The following NFIB variants were observed in gnomAD, a reference collection of about 807,000 sequenced individuals.
NFIB encodes nuclear factor I B, also known as nuclear factor 1 B-type.
A neutral mutation model predicts 61.5 loss-of-function variants in NFIB; 11 were observed. That is an observed-to-expected ratio of 0.18 (90% CI 0.11 to 0.30). NFIB has a LOEUF of 0.30. Among genes scored for constraint, NFIB ranks in the 10% least tolerant of loss-of-function variants. NFIB has a pLI of 1.00. For synonymous variants in NFIB, 260 were observed against 216.5 expected (o/e 1.20, Z -1.76); for missense variants, 471 against 608.9 (o/e 0.77, Z 2.38).
At chr9:14,391,608 A>G (rs1160964440) in intron 1 of NFIB, among the ~76,000 whole-genome samples, 1 of 152,116 alleles carries the variant, frequency 6.6e-6, no homozygotes, top group Non-Finnish European at 1.5e-5. Context: ...GTAAGGGAAA[A>G]ATGCCTCGAG....
chr9:14,168,188 T>A (rs1364378651), intron 3 of NFIB, among the ~76,000 whole-genome samples: 1 of 152,240 alleles, frequency 6.6e-6, no homozygotes, highest in Non-Finnish European at 1.5e-5. Flanking sequence ...AAGAACAGGT[T>A]ATTTATTTAG....
chr9:14,223,848 T>C (rs2052018659), intron 2 of NFIB, among the ~76,000 whole-genome samples: 1 of 152,132 alleles, frequency 6.6e-6, no homozygotes, highest in Admixed American at 6.5e-5. Flanking sequence ...CCACCTGGTC[T>C]CCTCAAGGGC....
intron 1 of NFIB, among the ~76,000 whole-genome samples, chr9:14,347,168 T>C (rs910894692): frequency 1.8e-4 from 26 of 147,992 alleles, no homozygotes; most frequent in Admixed American, 1.1e-3. Flanking sequence ...AAAAAAAAAA[T>C]CTTAAAAAAG....
At chr9:14,294,843 A>G (rs1469880144) in intron 2 of NFIB, among the ~76,000 whole-genome samples, 1 of 152,174 alleles carries the variant, frequency 6.6e-6, no homozygotes, top group Non-Finnish European at 1.5e-5. Flanking sequence ...TTTTCCTAGT[A>G]GGGATTGTGG....
intron 1 of NFIB, among the ~76,000 whole-genome samples, chr9:14,324,333 T>C (rs59501750): frequency 0.083 from 12,684 of 152,168 alleles, 1,379 homozygotes; most frequent in African/African-American, 0.25. Flanking sequence ...AAAAAATTTA[T>C]TTAGAGTGAG....
chr9:14,202,128 T>TCACACACACACACACA (rs3080833), intron 2 of NFIB, among the ~76,000 whole-genome samples: 4 of 147,078 alleles, frequency 2.7e-5, no homozygotes, highest in African/African-American at 1.0e-4. Context: ...TTGATACTTT[T>TCACACACACACACACA]CACACACACA....
intron 1 of NFIB, among the ~76,000 whole-genome samples, chr9:14,393,284 T>A (rs1354310361): frequency 6.6e-6 from 1 of 152,182 alleles, no homozygotes; most frequent in Non-Finnish European, 1.5e-5. Context: ...ACATTGGCTA[T>A]GGCCTAAAAA....
At chr9:14,281,016 G>A (rs2058338351) in intron 2 of NFIB, among the ~76,000 whole-genome samples, 2 of 152,016 alleles carry the variant, frequency 1.3e-5, no homozygotes, top group South Asian at 2.1e-4. Flanking sequence ...CAATATGTAC[G>A]GTGAGCCAAA....
intron 10 of NFIB, among the ~76,000 whole-genome samples, chr9:14,097,452 C>A (rs2034975222): frequency 6.6e-6 from 1 of 152,148 alleles, no homozygotes; most frequent in Admixed American, 6.5e-5. Context: ...AGCTGTTGTA[C>A]TGTAGTTATG....
At chr9:14,387,842 A>G (rs1298734539) in intron 1 of NFIB, among the ~76,000 whole-genome samples, 1 of 152,196 alleles carries the variant, frequency 6.6e-6, no homozygotes, top group Non-Finnish European at 1.5e-5. Context: ...CCATTATGAC[A>G]CACATAGAGA....
intron 1 of NFIB, among the ~76,000 whole-genome samples, chr9:14,352,413 G>A (rs1287096560): frequency 6.6e-6 from 1 of 152,008 alleles, no homozygotes; most frequent in African/African-American, 2.4e-5. Flanking sequence ...TAAGATGAAC[G>A]TGGAAATAAA....
At chr9:14,181,382 C>A (rs185745656) in intron 2 of NFIB, among the ~76,000 whole-genome samples, 23 of 152,256 alleles carry the variant, frequency 1.5e-4, no homozygotes, top group African/African-American at 5.5e-4. Flanking sequence ...CTTCATCTGG[C>A]TCGAGTCTCC....
At chr9:14,504,272 A>G in the NFIB span, among the ~76,000 whole-genome samples, 2 of 151,948 alleles carry the variant, frequency 1.3e-5, no homozygotes, top group African/African-American at 4.8e-5. Flanking sequence ...ATACCTCCAG[A>G]CTTGTTCCTT....
chr9:14,469,624 CT>C, the NFIB span, among the ~76,000 whole-genome samples: 2 of 152,314 alleles, frequency 1.3e-5, no homozygotes, highest in African/African-American at 4.8e-5. Context: ...CATGTGGGCT[CT>C]CCTGCATTTA....
At chr9:14,231,659 G>A (rs967560337) in intron 2 of NFIB, among the ~76,000 whole-genome samples, 4 of 152,090 alleles carry the variant, frequency 2.6e-5, no homozygotes, top group African/African-American at 9.7e-5. Flanking sequence ...TTAATGAGAG[G>A]TTTAAAACAG....
chr9:14,384,799 A>G (rs2061530486), intron 1 of NFIB, among the ~76,000 whole-genome samples: 1 of 152,048 alleles, frequency 6.6e-6, no homozygotes, highest in Non-Finnish European at 1.5e-5. Flanking sequence ...TCTGATCAGT[A>G]GCTTTACAGT....
At chr9:14,380,643 C>G (rs1338407090) in intron 1 of NFIB, among the ~76,000 whole-genome samples, 7 of 152,086 alleles carry the variant, frequency 4.6e-5, no homozygotes, top group African/African-American at 1.7e-4. Context: ...TTGTTCTTAT[C>G]TTGCCTGGAC....
chr9:14,460,024 A>C, the NFIB span, among the ~76,000 whole-genome samples: 1 of 152,144 alleles, frequency 6.6e-6, no homozygotes, highest in Non-Finnish European at 1.5e-5. Flanking sequence ...CTGAGTATAT[A>C]CCCAAAGGAG....
chr9:14,507,959 C>T, the NFIB span, among the ~76,000 whole-genome samples: 185 of 141,596 alleles, frequency 1.3e-3, no homozygotes, highest in Non-Finnish European at 2.4e-3. Flanking sequence ...GACACAGACA[C>T]AGACACACAC....
Sources: allele counts gnomAD v4.1 joint callset (sites outside exome capture counted in the v4.1 genomes callset), GRCh38; gene constraint gnomAD v4.1.1; transcripts MANE v1.5; gene names NCBI Gene and HGNC (gene_info 2026-07-23, HGNC 2026-07-21).